Variants in PARD3B observed in about 807,000 individuals in gnomAD.
The protein encoded by PARD3B is par-3 family cell polarity regulator beta, also known as partitioning defective 3 homolog B.
In PARD3B, 103 loss-of-function variants were observed where a neutral mutation model predicts 130.2. The observed-to-expected ratio is 0.79, with a 90% CI of 0.67 to 0.93. The LOEUF is 0.93. Among genes scored for constraint, PARD3B ranks in the 40% least tolerant of loss-of-function variants. The probability of loss-of-function intolerance (pLI) is 0.00; values close to 1 mark genes in which losing one functional copy is unlikely to be tolerated. For synonymous variants in PARD3B, 583 were observed against 553.2 expected (o/e 1.05, Z -0.76); for missense variants, 1,609 against 1,499.2 (o/e 1.07, Z -1.21).
At chr2:205,577,366 A>G (rs1426562065) in intron 22 of PARD3B, among the ~76,000 whole-genome samples, 1 of 152,198 alleles carries the variant, frequency 6.6e-6, no homozygotes, top group Non-Finnish European at 1.5e-5. Flanking sequence ...AAAACCAACC[A>G]AATGAAAACA....
chr2:204,686,205 C>T lies in PARD3B; in HGVS notation c.145C>T (p.His49Tyr), dbSNP rs1486027366. Reference sequence around the variant, plus strand: ...GGGTCCTGGTTACTGGGTGAAGATTCATCACTTAGAATATACAGATGGAGG... The same window carrying T: ...GGGTCCTGGTTACTGGGTGAAGATTTATCACTTAGAATATACAGATGGAGG... The part of the protein sequence containing the change: ...EKGPGYWVKI[H>Y]HLEYTDGGIL... The change falls in exon 2 of 23, where the codon CAT (histidine) becomes TAT (tyrosine). Residue 49 changes from histidine to tyrosine, a missense_variant. By Grantham distance (83) the His-to-Tyr change is moderately conservative. Coordinates refer to ENST00000406610, the MANE Select transcript of PARD3B (RefSeq NM_001302769.2). 1 of 1,611,790 alleles carries T rather than the reference C, an allele frequency of 6.2e-7. No homozygotes were observed. The highest frequency in any genetic ancestry group is 1.1e-5 in the South Asian group (1 of 91,042).
intron 20 of PARD3B, among the ~76,000 whole-genome samples, chr2:205,467,663 A>G (rs559790629): frequency 2.0e-5 from 3 of 152,294 alleles, no homozygotes; most frequent in South Asian, 2.1e-4. Flanking sequence ...TTGAGTGTTC[A>G]GTAATCAGAA....
chr2:204,969,141 C>T (rs549955210), intron 3 of PARD3B, among the ~76,000 whole-genome samples: 12 of 151,988 alleles, frequency 7.9e-5, no homozygotes, highest in East Asian at 3.9e-4. Flanking sequence ...AAATCCCAGG[C>T]GAAATTGGAA....
At position 204,689,148 on chromosome 2, in the gene PARD3B, C is replaced by T. The variant is rs1220925322; in HGVS notation, c.222+2866C>T. Among the ~76,000 whole-genome samples the T allele has an allele frequency of 1.3e-5, 2 of 152,172 alleles. No individual in the cohort carries two copies. The highest frequency in any genetic ancestry group is 2.9e-5 in the Non-Finnish European group (2 of 68,026). ...ATTGTACTTCAAATTAGAGAAGGCT[C>T]TAACAAAGTTCAGCCAGTGTTCTTA... On this transcript the variant is annotated intron_variant, in intron 2 of 22. Coordinates refer to ENST00000406610, the MANE Select transcript of PARD3B (RefSeq NM_001302769.2). This position sits in a 1 kb window ranked among gnomAD's most constrained non-coding sequence, Gnocchi z 5.2.
At chr2:204,744,837 A>G (rs549457777) in intron 2 of PARD3B, among the ~76,000 whole-genome samples, 9 of 152,296 alleles carry the variant, frequency 5.9e-5, no homozygotes, top group East Asian at 3.9e-4. Flanking sequence ...ACTAAAGTTT[A>G]AAATTTAAAA....
rs1037586143 is a variant in PARD3B at position 204,865,551 on chromosome 2, G to A, written c.223-99601G>A. 1.1e-4 allele frequency among the ~76,000 whole-genome samples: 16 copies of A among 152,272 alleles called. 1 individual carries two copies. In the South Asian group the frequency reaches 3.1e-3, roughly 30 times the overall value. On this transcript the variant is annotated intron_variant, in intron 2 of 22. Coordinates refer to ENST00000406610, the MANE Select transcript of PARD3B (RefSeq NM_001302769.2). The stretch of plus-strand genomic sequence containing the variant: ...ACTCAGGAGTGGAAAACCAAACATC[G>A]TATGTTCTCACTCAGAAGTGGGAGC...
chr2:205,191,729 T>C (rs530954986), intron 14 of PARD3B, among the ~76,000 whole-genome samples: 2 of 152,294 alleles, frequency 1.3e-5, no homozygotes, highest in South Asian at 4.1e-4. Context: ...ATTTTATACA[T>C]AAGGAAATTG....
intron 2 of PARD3B, among the ~76,000 whole-genome samples, chr2:204,846,777 C>T (rs79775544): frequency 0.02 from 3,068 of 151,460 alleles, 82 homozygotes; most frequent in East Asian, 0.15. Flanking sequence ...TGGATGAATG[C>T]ATTGCCTTCT....
intron 20 of PARD3B, among the ~76,000 whole-genome samples, chr2:205,456,570 C>G (rs1344114988): frequency 6.6e-6 from 1 of 151,728 alleles, no homozygotes; most frequent in Non-Finnish European, 1.5e-5. Flanking sequence ...CTCTTCATTC[C>G]TGGTTTTCTG....
chr2:204,836,253 T>A (rs1163331328), intron 2 of PARD3B, among the ~76,000 whole-genome samples: 3 of 152,216 alleles, frequency 2.0e-5, no homozygotes, highest in African/African-American at 7.2e-5. Flanking sequence ...CAGGAGAATT[T>A]TTTTTATCTC....
Position 205,117,688 on chromosome 2 carries a change from G to T in PARD3B, c.681-1233G>T, listed in dbSNP as rs1044702292. ...CAAAAGAGAGTGACAAAGTCGAAAA[G>T]CAAGAGTATTGATAAAGTGCAGATC... On this transcript the variant is annotated intron_variant, in intron 6 of 22. Transcript: ENST00000406610. 3.5e-4 allele frequency among the ~76,000 whole-genome samples: 53 copies of T among 152,202 alleles called. 1 individual carries two copies. The highest frequency in any genetic ancestry group is 2.9e-5 in the Non-Finnish European group (2 of 68,038).
chr2:204,650,885 A>T (rs955728476), intron 1 of PARD3B, among the ~76,000 whole-genome samples: 2 of 122,464 alleles, frequency 1.6e-5, no homozygotes, highest in Non-Finnish European at 3.2e-5. Flanking sequence ...ACCATGGGGG[A>T]GTGAGAGAGA....
intron 2 of PARD3B, among the ~76,000 whole-genome samples, chr2:204,864,178 A>G (rs1363710800): frequency 6.6e-6 from 1 of 152,122 alleles, no homozygotes; most frequent in African/African-American, 2.4e-5. Flanking sequence ...CATACTCCTA[A>G]GCCGTTCCTG....
chr2:205,184,797 A>AT (rs2036001458), intron 13 of PARD3B, among the ~76,000 whole-genome samples: 2 of 151,358 alleles, frequency 1.3e-5, no homozygotes, highest in Non-Finnish European at 2.9e-5. Context: ...TATATATATA[A>AT]ATAAAATTTA....
At chr2:204,653,344 G>C (rs1419604119) in intron 1 of PARD3B, among the ~76,000 whole-genome samples, 4 of 150,542 alleles carry the variant, frequency 2.7e-5, no homozygotes, top group Non-Finnish European at 5.9e-5. Flanking sequence ...CCTTCTGTTA[G>C]ATATACTTTT....
intron 4 of PARD3B, among the ~76,000 whole-genome samples, chr2:205,065,654 T>A (rs1397329970): frequency 6.6e-6 from 1 of 152,104 alleles, no homozygotes; most frequent in Non-Finnish European, 1.5e-5. Context: ...GAGTTCTCTC[T>A]CTGGTGAGAA....
rs1161834555 is a variant in PARD3B at position 204,802,009 on chromosome 2, A to G, written c.222+115727A>G. Among the ~76,000 whole-genome samples the G allele has an allele frequency of 2.0e-5, 3 of 152,168 alleles. No homozygotes were observed. The East Asian group carries it at 5.8e-4, about 29-fold the overall frequency. On this transcript the variant is annotated intron_variant, in intron 2 of 22. Coordinates refer to ENST00000406610, the MANE Select transcript of PARD3B (RefSeq NM_001302769.2). ...TTTGTTTATGTGATGGATTATGTTT[A>G]TTGATTTGCATATGTTGAACAAGCG...
rs772693475 is a variant in PARD3B, at chr2:205,583,994, A to G, written c.3260+30591A>G. On this transcript the variant is annotated intron_variant, in intron 22 of 22. Transcript: ENST00000406610. Reference sequence around the variant, plus strand: ...GAATTTATAAAGAGCCATGTTACCCATGATAACTCTAAGACACTACAGGGC... The same window carrying G: ...GAATTTATAAAGAGCCATGTTACCCGTGATAACTCTAAGACACTACAGGGC... Among the ~76,000 whole-genome samples the G allele has an allele frequency of 6.1e-4, 93 of 152,242 alleles. 1 individual carries two copies. The highest frequency in any genetic ancestry group is 9.8e-4 in the Non-Finnish European group (67 of 68,046).
chr2:205,196,288 T>C (rs1245456675), intron 15 of PARD3B, among the ~76,000 whole-genome samples: 2 of 152,176 alleles, frequency 1.3e-5, no homozygotes, highest in African/African-American at 4.8e-5. Flanking sequence ...ACTCTTCCCC[T>C]TTTAATGGAA....
Sources: gnomAD v4.1 joint callset for allele counts (sites outside exome capture counted in the v4.1 genomes callset) on GRCh38, gnomAD v4.1.1 for gene constraint, Gnocchi (gnomAD v3.1) non-coding constraint, MANE v1.5 for transcripts, NCBI Gene and HGNC (gene_info 2026-07-23, HGNC 2026-07-21) for gene names.